Variants in NEDD9 observed in about 807,000 individuals in gnomAD.
NEDD9 encodes neural precursor cell expressed, developmentally down-regulated 9.
A neutral mutation model predicts 76.6 loss-of-function variants in NEDD9; 26 were observed. The observed-to-expected ratio is 0.34, with a 90% CI of 0.25 to 0.47. The LOEUF (loss-of-function observed/expected upper bound fraction) is 0.47. Ranked by LOEUF, NEDD9 falls within the 20% of genes least tolerant of loss-of-function variation. NEDD9 has a pLI of 1.00. For missense variants in NEDD9, 937 were observed against 1,058.5 expected, an observed-to-expected ratio of 0.89 and a Z score of 1.59; for synonymous variants, 392 against 414.2, an observed-to-expected ratio of 0.95 and a Z score of 0.65.
intron 1 of NEDD9, among the ~76,000 whole-genome samples, chr6:11,375,941 T>C (rs4598071): frequency 0.64 from 96,854 of 152,006 alleles, 31,401 homozygotes; most frequent in East Asian, 0.82. Context: ...TCTCCTGCCT[T>C]AGCCTCCTGA....
chr6:11,200,353 G>T, intron 2 of NEDD9: 1 of 521,824 alleles, frequency 1.9e-6, no homozygotes, highest in Admixed American at 2.6e-5. Context: ...GAGGCTGGCA[G>T]AAGGAAACAA....
At position 11,187,677 on chromosome 6, in the gene NEDD9, A is replaced by G. The variant is rs141085745; in HGVS notation, c.1995+541T>C. Among the ~76,000 whole-genome samples the G allele has an allele frequency of 4.9e-4, 75 of 152,328 alleles. 1 individual carries two copies. The East Asian group carries it at 0.013, about 26-fold the overall frequency. On this transcript the variant is annotated intron_variant, in intron 6 of 6. Transcript: ENST00000379446. ...AGGAAGCCGAGATGAAAAGCCATCT[A>G]TAGAAGTTCTGAGTGGCCATTTATG...
In NEDD9 at chr6:11,198,969, T is replaced by C. The variant is rs1311971714; in HGVS notation, c.460-5277A>G. 1.3e-5 allele frequency: 2 copies of C among 152,252 alleles called. No individual in the cohort carries two copies. The highest frequency in any genetic ancestry group is 3.8e-4 in the East Asian group (2 of 5,202). 9.4% of individuals were successfully genotyped at this position (152,252 alleles called of 1,614,324 possible). ...TGAGAAATCAGAAACTGTAGAAGAATGCACCCCAAGTTGGGTGAAGCCACT... is the reference window on the plus strand; with the variant it reads ...TGAGAAATCAGAAACTGTAGAAGAACGCACCCCAAGTTGGGTGAAGCCACT... On this transcript the variant is annotated intron_variant, in intron 2 of 6. Transcript: ENST00000379446. The surrounding 1 kb of genome is among the most constrained non-coding windows in gnomAD (Gnocchi z 4.7).
At chr6:11,214,291 T>G (rs1487529096) in intron 1 of NEDD9, 2 of 477,926 alleles carry the variant, frequency 4.2e-6, no homozygotes, top group Admixed American at 4.7e-5. Context: ...GAGCCTTGGA[T>G]CCAGAGAGAA....
At chr6:11,275,535 A>AATAC (rs1174403078) in intron 3 of NEDD9, among the ~76,000 whole-genome samples, 1 of 150,254 alleles carries the variant, frequency 6.7e-6, no homozygotes, top group African/African-American at 2.5e-5. Flanking sequence ...TGTCAATTAA[A>AATAC]ATACATACAT....
intron 1 of NEDD9, among the ~76,000 whole-genome samples, chr6:11,225,249 C>T (rs1428203711): frequency 6.6e-6 from 1 of 152,180 alleles, no homozygotes; most frequent in African/African-American, 2.4e-5. Context: ...ATAAACATAA[C>T]ATTTCATGTG....
At chr6:11,289,448 T>C (rs1452418617) in intron 3 of NEDD9, among the ~76,000 whole-genome samples, 2 of 152,206 alleles carry the variant, frequency 1.3e-5, no homozygotes, top group African/African-American at 2.4e-5. Flanking sequence ...AGATATTTTA[T>C]TTTATTTTAT....
At chr6:11,368,469 G>T (rs1346540411) in intron 1 of NEDD9, among the ~76,000 whole-genome samples, 1 of 151,994 alleles carries the variant, frequency 6.6e-6, no homozygotes, top group Non-Finnish European at 1.5e-5. Context: ...ACAAATGATC[G>T]CCATGGTTTT....
At chr6:11,221,629 G>A (rs1045006097) in intron 1 of NEDD9, among the ~76,000 whole-genome samples, 11 of 152,228 alleles carry the variant, frequency 7.2e-5, no homozygotes, top group African/African-American at 2.6e-4. Context: ...CACCGGACAA[G>A]GATGCCCTTC....
At chr6:11,311,079 T>C (rs955550790) in intron 2 of NEDD9, among the ~76,000 whole-genome samples, 1 of 152,114 alleles carries the variant, frequency 6.6e-6, no homozygotes, top group African/African-American at 2.4e-5. Context: ...GTCACCCCTT[T>C]CCTTTAAGAC....
At chr6:11,299,555 G>A (rs914684508) in intron 3 of NEDD9, among the ~76,000 whole-genome samples, 6 of 152,330 alleles carry the variant, frequency 3.9e-5, no homozygotes, top group South Asian at 2.1e-4. Flanking sequence ...GCCTCCTCAA[G>A]TGGGTCCTTG....
intron 1 of NEDD9, among the ~76,000 whole-genome samples, chr6:11,349,297 G>C (rs1395600547): frequency 6.6e-6 from 1 of 152,162 alleles, no homozygotes; most frequent in Non-Finnish European, 1.5e-5. Flanking sequence ...GTGGAGAAAA[G>C]GGAATGCTTA....
chr6:11,203,576 C>T (rs2113740755), intron 2 of NEDD9, among the ~76,000 whole-genome samples: 1 of 152,284 alleles, frequency 6.6e-6, no homozygotes, highest in Non-Finnish European at 1.5e-5. Flanking sequence ...AGGTGGTTGT[C>T]GTGTCCAGAG....
upstream of NEDD9, chr6:11,232,814 C>A: frequency 1.1e-6 from 1 of 918,224 alleles, no homozygotes; most frequent in Non-Finnish European, 1.5e-6. Flanking sequence ...GTGATCGCTT[C>A]TTTTTGCTTT....
intron 1 of NEDD9, among the ~76,000 whole-genome samples, chr6:11,379,999 T>C (rs1763033449): frequency 6.6e-6 from 1 of 152,230 alleles, no homozygotes; most frequent in African/African-American, 2.4e-5. Context: ...AGGACGCATC[T>C]TCGTGCTGTG....
chr6:11,203,656 T>C (rs1034022886), intron 2 of NEDD9, among the ~76,000 whole-genome samples: 1 of 152,030 alleles, frequency 6.6e-6, no homozygotes, highest in African/African-American at 2.4e-5. Context: ...AAACAATGAG[T>C]TCCAGGATGA....
chr6:11,367,926 G>T (rs1381376433), intron 1 of NEDD9, among the ~76,000 whole-genome samples: 1 of 152,266 alleles, frequency 6.6e-6, no homozygotes, highest in East Asian at 1.9e-4. Context: ...TGAACTCTCG[G>T]GATTGTATGA....
chr6:11,209,970 C>CTTTTTTT (rs752612102), intron 2 of NEDD9, among the ~76,000 whole-genome samples: 5 of 131,072 alleles, frequency 3.8e-5, no homozygotes, highest in African/African-American at 5.5e-5. Flanking sequence ...AATTCACTGT[C>CTTTTTTT]TTTTTTTTTT....
At chr6:11,325,062 G>A (rs1017938015) in intron 2 of NEDD9, among the ~76,000 whole-genome samples, 4 of 152,194 alleles carry the variant, frequency 2.6e-5, no homozygotes, top group African/African-American at 7.2e-5. Flanking sequence ...TTGATAGAAC[G>A]TGCATGTATC....
Sources: allele counts gnomAD v4.1 joint callset (sites outside exome capture counted in the v4.1 genomes callset), GRCh38; gene constraint gnomAD v4.1.1; non-coding constraint Gnocchi (gnomAD v3.1); transcripts MANE v1.5; gene names NCBI Gene and HGNC (gene_info 2026-07-23, HGNC 2026-07-21).